Variants in FHIT observed in about 807,000 individuals in gnomAD.
The protein encoded by FHIT is fragile histidine triad diadenosine triphosphatase, also known as bis(5'-adenosyl)-triphosphatase.
FHIT carries 19 observed loss-of-function variants against 17.9 expected under a neutral mutation model. That is an observed-to-expected ratio of 1.06 (90% CI 0.74 to 1.56). FHIT has a LOEUF of 1.56. FHIT is among the 40% of genes most tolerant of loss of function. The probability of loss-of-function intolerance (pLI) is 0.00; values close to 1 mark genes in which losing one functional copy is unlikely to be tolerated. For synonymous variants in FHIT, 81 were observed against 69.7 expected (o/e 1.16, Z -0.81); for missense variants, 248 against 189.2 (o/e 1.31, Z -1.82).
intron 7 of FHIT, among the ~76,000 whole-genome samples, chr3:60,001,949 T>C (rs942106233): frequency 1.3e-5 from 2 of 152,132 alleles, no homozygotes; most frequent in Admixed American, 1.3e-4. Flanking sequence ...GAAAGCATGA[T>C]AAGAAAATAT....
At chr3:60,988,774 T>A (rs2029889607) in intron 3 of FHIT, among the ~76,000 whole-genome samples, 1 of 152,056 alleles carries the variant, frequency 6.6e-6, no homozygotes, top group African/African-American at 2.4e-5. Context: ...GCATCTCAAG[T>A]CTCCTAGTTT....
intron 5 of FHIT, among the ~76,000 whole-genome samples, chr3:60,044,535 G>A (rs894469596): frequency 2.0e-5 from 3 of 152,046 alleles, no homozygotes; most frequent in Non-Finnish European, 2.9e-5. Context: ...GGTAAGTGAT[G>A]ACGGTACAGG....
Position 61,161,867 on chromosome 3 carries a change from G to C in FHIT, c.-164+38750C>G, listed in dbSNP as rs532706200. On this transcript the variant is annotated intron_variant, in intron 2 of 9. Transcript: ENST00000492590. Reference sequence around the variant, plus strand: ...ACTTGCTACAAATAGAATTAAAAGTGCCATTCTAATTCTGTCTCCTTGTAC... The same window carrying C: ...ACTTGCTACAAATAGAATTAAAAGTCCCATTCTAATTCTGTCTCCTTGTAC... 2.0e-5 allele frequency among the ~76,000 whole-genome samples: 3 copies of C among 152,344 alleles called. 1 individual carries two copies. In the South Asian group the frequency reaches 6.2e-4, roughly 32 times the overall value.
chr3:61,053,618 A>G (rs2365050), intron 2 of FHIT, among the ~76,000 whole-genome samples: 83,325 of 151,768 alleles, frequency 0.55, 25,855 homozygotes, highest in East Asian at 0.79. Flanking sequence ...AGATCGTGCC[A>G]TTGCATTCCA....
At chr3:61,067,754 C>T (rs1243783152) in intron 2 of FHIT, among the ~76,000 whole-genome samples, 1 of 152,162 alleles carries the variant, frequency 6.6e-6, no homozygotes, top group Non-Finnish European at 1.5e-5. Flanking sequence ...CCAAGGTTAT[C>T]TCTTTGGAGA....
chr3:60,921,451 G>A (rs1411252889), intron 3 of FHIT, among the ~76,000 whole-genome samples: 4 of 152,138 alleles, frequency 2.6e-5, no homozygotes, highest in African/African-American at 7.2e-5. Context: ...GGGTTCGAAT[G>A]GCAATAAAAT....
chr3:61,193,203 T>C (rs977060637), intron 2 of FHIT, among the ~76,000 whole-genome samples: 1 of 152,254 alleles, frequency 6.6e-6, no homozygotes, highest in Admixed American at 6.5e-5. Context: ...TTCTTTGATC[T>C]GTTTAGGTGG....
intron 4 of FHIT, among the ~76,000 whole-genome samples, chr3:60,654,500 G>GA (rs2040070595): frequency 1.3e-5 from 2 of 151,876 alleles, no homozygotes; most frequent in South Asian, 4.2e-4. Flanking sequence ...TTATGAGCTT[G>GA]AAAAAACTTG....
At chr3:60,791,299 T>C (rs1443012500) in intron 4 of FHIT, among the ~76,000 whole-genome samples, 1 of 152,062 alleles carries the variant, frequency 6.6e-6, no homozygotes, top group South Asian at 2.1e-4. Context: ...CACCAATGTA[T>C]GCTCAATAAA....
chr3:60,798,653 TG>T (rs1275656922), intron 4 of FHIT, among the ~76,000 whole-genome samples: 1 of 152,116 alleles, frequency 6.6e-6, no homozygotes, highest in African/African-American at 2.4e-5. Context: ...AAGGCCCTAC[TG>T]TCTTGAATTA....
At chr3:60,379,932 T>A (rs1430707169) in intron 5 of FHIT, among the ~76,000 whole-genome samples, 1 of 152,236 alleles carries the variant, frequency 6.6e-6, no homozygotes, top group Admixed American at 6.5e-5. Context: ...TTTACAATTT[T>A]GTTTAACATA....
chr3:61,119,322 G>A (rs749923304), intron 2 of FHIT, among the ~76,000 whole-genome samples: 23 of 152,066 alleles, frequency 1.5e-4, no homozygotes, highest in Non-Finnish European at 3.1e-4. Flanking sequence ...AGGGTCAAGC[G>A]ATTCCCTGCT....
intron 8 of FHIT, among the ~76,000 whole-genome samples, chr3:59,882,344 AT>A (rs1446425807): frequency 6.6e-6 from 1 of 152,202 alleles, no homozygotes; most frequent in Non-Finnish European, 1.5e-5. Context: ...CACATCTTCA[AT>A]TAGCTGGATT....
intron 4 of FHIT, among the ~76,000 whole-genome samples, chr3:60,650,771 G>A (rs1373530522): frequency 6.6e-6 from 1 of 152,128 alleles, no homozygotes; most frequent in Non-Finnish European, 1.5e-5. Flanking sequence ...TTTACTTTCA[G>A]AGGCACATAA....
rs921551041 is a variant in FHIT, at chr3:61,086,090, CT to C, written c.-163-43992del. Among the ~76,000 whole-genome samples, 5 of 151,968 alleles carry C rather than the reference CT, an allele frequency of 3.3e-5. No individual in the cohort carries two copies. In the East Asian group the frequency reaches 7.7e-4, roughly 23 times the overall value. ...ATTGTTTCCTTTCAAATGCTCATAT[CT>C]TTTTTTTCTGTCTCTCTACATTCAC... is the stretch of plus-strand genomic sequence containing the variant. On this transcript the variant is annotated intron_variant, in intron 2 of 9. Transcript: ENST00000492590.
intron 5 of FHIT, among the ~76,000 whole-genome samples, chr3:60,068,287 G>C (rs1702608988): frequency 6.6e-6 from 1 of 152,104 alleles, no homozygotes; most frequent in Non-Finnish European, 1.5e-5. Flanking sequence ...AGGTCCCAAT[G>C]TCTATTTCCA....
intron 7 of FHIT, among the ~76,000 whole-genome samples, chr3:59,945,878 T>C (rs936344360): frequency 1.6e-4 from 25 of 152,172 alleles, no homozygotes; most frequent in African/African-American, 6.0e-4. Context: ...TTCTGTTCCA[T>C]TGGTCTGTGA....
At chr3:60,048,642 CT>C (rs1701752086) in intron 5 of FHIT, among the ~76,000 whole-genome samples, 1 of 152,200 alleles carries the variant, frequency 6.6e-6, no homozygotes, top group Non-Finnish European at 1.5e-5. Context: ...GGACTTCCCT[CT>C]GCTTTATGAG....
In FHIT at chr3:59,775,357, G is replaced by A. The variant is rs913132619; in HGVS notation, c.349-23036C>T. Among the ~76,000 whole-genome samples the A allele has an allele frequency of 3.3e-5, 5 of 152,296 alleles. No homozygotes were observed. The East Asian group carries it at 5.8e-4, about 18-fold the overall frequency. Reference sequence around the variant, plus strand: ...TGTAGTGACCAGGCCACAGGCTCCGGCAGATGCAGAAGGTCTGAAAATCTA... The same window carrying A: ...TGTAGTGACCAGGCCACAGGCTCCGACAGATGCAGAAGGTCTGAAAATCTA... On this transcript the variant is annotated intron_variant, in intron 8 of 9. Transcript: ENST00000492590.
Sources: gnomAD v4.1 joint callset for allele counts (sites outside exome capture counted in the v4.1 genomes callset) on GRCh38, gnomAD v4.1.1 for gene constraint, MANE v1.5 for transcripts, NCBI Gene and HGNC (gene_info 2026-07-23, HGNC 2026-07-21) for gene names.